The following LPIN1 variants were observed in gnomAD, a reference collection of about 807,000 sequenced individuals.
LPIN1 encodes the protein phosphatidate phosphatase LPIN1.
A neutral mutation model predicts 107.5 loss-of-function variants in LPIN1; 71 were observed. That is an observed-to-expected ratio of 0.66 (90% CI 0.55 to 0.80). LPIN1 has a LOEUF of 0.80. LPIN1 is among the 30% of genes least tolerant of loss of function. The pLI is 0.00. For synonymous variants in LPIN1, 445 were observed against 452.6 expected (o/e 0.98, Z 0.21); for missense variants, 1,043 against 1,160.6 (o/e 0.90, Z 1.47).
chr2:11,812,349 A>G (rs1679810776), intron 17 of LPIN1, among the ~76,000 whole-genome samples: 1 of 152,082 alleles, frequency 6.6e-6, no homozygotes, highest in Admixed American at 6.5e-5. Context: ...GAAGGACTAT[A>G]ACGTCATATT....
Position 11,786,696 on chromosome 2 carries a change from C to G in LPIN1, c.1550-378C>G, listed in dbSNP as rs1395188917. ...TGGGGCCTGGGAGGTGAACCGCTTGCCCAGGGTTACCCCCGTAATCGTGAC... is the reference window on the plus strand; with the variant it reads ...TGGGGCCTGGGAGGTGAACCGCTTGGCCAGGGTTACCCCCGTAATCGTGAC... On this transcript the variant is annotated intron_variant, in intron 10 of 20. Transcript: ENST00000674199. This position sits in a 1 kb window ranked among gnomAD's most constrained non-coding sequence, Gnocchi z 4.1. Among the ~76,000 whole-genome samples, 4 of 152,186 alleles carry G rather than the reference C, an allele frequency of 2.6e-5. No individual in the cohort carries two copies. The highest frequency in any genetic ancestry group is 5.9e-5 in the Non-Finnish European group (4 of 68,026).
In LPIN1 at chr2:11,803,330, A is replaced by G. The variant is rs1178877273; in HGVS notation, c.2013+297A>G. 6.6e-6 allele frequency among the ~76,000 whole-genome samples: 1 copy of G among 152,086 alleles called. No homozygotes were observed. The highest frequency in any genetic ancestry group is 1.5e-5 in the Non-Finnish European group (1 of 68,022). ...GGAGCTAATTCGTCCTAAGGTGTCAATCACAGATAGACTTGAAAATCACTC... is the reference window on the plus strand; with the variant it reads ...GGAGCTAATTCGTCCTAAGGTGTCAGTCACAGATAGACTTGAAAATCACTC... On this transcript the variant is annotated intron_variant, in intron 15 of 20. Coordinates refer to ENST00000674199, the MANE Select transcript of LPIN1 (RefSeq NM_001349206.2). The surrounding 1 kb of genome is among the most constrained non-coding windows in gnomAD (Gnocchi z 4.2).
Position 11,795,549 on chromosome 2 carries a change from T to C in LPIN1, c.1886+62T>C, listed in dbSNP as rs368960315. Reference sequence around the variant, plus strand: ...TTTCCGCATCCAAGTTCATGGCGTGTGCTGCCTGGATGCAGATAGGGTTCA... The same window carrying C: ...TTTCCGCATCCAAGTTCATGGCGTGCGCTGCCTGGATGCAGATAGGGTTCA... On this transcript the variant is annotated intron_variant, in intron 14 of 20. Transcript: ENST00000674199. The C allele has an allele frequency of 3.9e-5, 56 of 1,431,146 alleles. 2 individuals are homozygous for C. The Middle Eastern group carries it at 1.8e-3, about 47-fold the overall frequency. 88.7% of individuals were successfully genotyped at this position (1,431,146 alleles called of 1,614,324 possible).
intron 1 of LPIN1, among the ~76,000 whole-genome samples, chr2:11,689,442 C>T (rs1453076030): frequency 6.6e-6 from 1 of 152,244 alleles, no homozygotes; most frequent in Non-Finnish European, 1.5e-5. Flanking sequence ...ATCCAACATA[C>T]TGATTTTGTG....
intron 1 of LPIN1, among the ~76,000 whole-genome samples, chr2:11,679,459 G>A (rs1661593348): frequency 6.6e-6 from 1 of 152,218 alleles, no homozygotes; most frequent in East Asian, 1.9e-4. Context: ...AGCATATACA[G>A]GAAAGTTTAA....
At chr2:11,752,678 G>T (rs184124063) in intron 1 of LPIN1, among the ~76,000 whole-genome samples, 1 of 151,654 alleles carries the variant, frequency 6.6e-6, no homozygotes, top group Non-Finnish European at 1.5e-5. Context: ...TGATCCGCCC[G>T]CCTCGGCCTC....
At chr2:11,787,671 G>C (rs1325420503) in intron 11 of LPIN1, among the ~76,000 whole-genome samples, 1 of 152,116 alleles carries the variant, frequency 6.6e-6, no homozygotes, top group Non-Finnish European at 1.5e-5. Flanking sequence ...GCTGGGCGCA[G>C]TGGCTGGCGC....
At chr2:11,789,267 TTGTG>T (rs143296871) in intron 12 of LPIN1, among the ~76,000 whole-genome samples, 2 of 151,486 alleles carry the variant, frequency 1.3e-5, no homozygotes, top group Non-Finnish European at 1.5e-5. Context: ...CTTCCTGGGT[TTGTG>T]TGTGTGTGTG....
intron 20 of LPIN1, among the ~76,000 whole-genome samples, chr2:11,823,602 G>A (rs1681936582): frequency 1.3e-5 from 2 of 152,060 alleles, no homozygotes. Flanking sequence ...GTTCCTTTAG[G>A]TTCTTAGCAA....
chr2:11,801,886 AC>A (rs1677807977), intron 14 of LPIN1, among the ~76,000 whole-genome samples: 2 of 152,156 alleles, frequency 1.3e-5, no homozygotes, highest in Non-Finnish European at 2.9e-5. Context: ...TATTACATGC[AC>A]CCCATAAATA....
At chr2:11,694,015 G>A (rs999006388) in intron 1 of LPIN1, among the ~76,000 whole-genome samples, 8 of 150,866 alleles carry the variant, frequency 5.3e-5, no homozygotes, top group Non-Finnish European at 1.0e-4. Flanking sequence ...TTGTATTTTA[G>A]TAGAGGTGGG....
intron 5 of LPIN1, among the ~76,000 whole-genome samples, chr2:11,775,868 ATTATATATAATC>A (rs934729368): frequency 1.7e-3 from 255 of 147,758 alleles, no homozygotes; most frequent in African/African-American, 6.0e-3. Flanking sequence ...ATACTTTGTA[ATTATATATAATC>A]TTATATATAA....
At chr2:11,732,549 A>G (rs1297130036) in intron 1 of LPIN1, among the ~76,000 whole-genome samples, 1 of 152,224 alleles carries the variant, frequency 6.6e-6, no homozygotes, top group East Asian at 1.9e-4. Flanking sequence ...TGTAGGATCA[A>G]AATGGTTAGA....
At chr2:11,744,465 C>T (rs528410693), upstream of LPIN1, among the ~76,000 whole-genome samples, 20 of 152,338 alleles carry the variant, frequency 1.3e-4, no homozygotes, top group South Asian at 4.1e-4. Context: ...TGGCCTTCCC[C>T]GAGGTGGTAG....
intron 13 of LPIN1, among the ~76,000 whole-genome samples, chr2:11,793,824 G>T (rs1032073598): frequency 6.6e-6 from 1 of 152,076 alleles, no homozygotes; most frequent in Non-Finnish European, 1.5e-5. Context: ...TCTCCTTTCT[G>T]TCTAGACCCG....
intron 13 of LPIN1, chr2:11,792,408 G>T (rs1459618894): frequency 2.8e-5 from 7 of 246,254 alleles, no homozygotes; most frequent in Admixed American, 5.0e-5. Context: ...TTTTGGAGAC[G>T]GGCTTGCTCA....
chr2:11,747,893 C>T (rs1014568918), intron 1 of LPIN1, among the ~76,000 whole-genome samples: 3 of 152,190 alleles, frequency 2.0e-5, no homozygotes, highest in Admixed American at 1.3e-4. Context: ...ATGTGGGGCC[C>T]TGTGGTCCTG....
chr2:11,806,252 C>T (rs956859211), intron 17 of LPIN1, among the ~76,000 whole-genome samples: 1 of 152,232 alleles, frequency 6.6e-6, no homozygotes, highest in Non-Finnish European at 1.5e-5. Flanking sequence ...TCTGTGAACA[C>T]AGATGAATGA....
chr2:11,822,490 C>T (rs1369662063), intron 20 of LPIN1, among the ~76,000 whole-genome samples: 3 of 151,348 alleles, frequency 2.0e-5, no homozygotes, highest in Non-Finnish European at 4.4e-5. Flanking sequence ...ACCTCACAAT[C>T]ATGGTCAAAG....
Sources: allele counts gnomAD v4.1 joint callset (sites outside exome capture counted in the v4.1 genomes callset), GRCh38; gene constraint gnomAD v4.1.1; non-coding constraint Gnocchi (gnomAD v3.1); transcripts MANE v1.5; gene names NCBI Gene and HGNC (gene_info 2026-07-23, HGNC 2026-07-21).